Variants in PGM5 observed in about 807,000 individuals in gnomAD.
The protein encoded by PGM5 is phosphoglucomutase-like protein 5.
A neutral mutation model predicts 59.2 loss-of-function variants in PGM5; 23 were observed. The observed-to-expected ratio is 0.39, with a 90% CI of 0.28 to 0.55. PGM5 has a LOEUF of 0.55. Among genes scored for constraint, PGM5 ranks in the 20% least tolerant of loss-of-function variants. The pLI, the probability that PGM5 is intolerant of heterozygous loss-of-function variation, is 0.66. For synonymous variants in PGM5, 214 were observed against 286.0 expected (o/e 0.75, Z 2.54); for missense variants, 574 against 748.3 (o/e 0.77, Z 2.72).
At chr9:68,454,931 A>G (rs929982096) in intron 6 of PGM5, among the ~76,000 whole-genome samples, 8 of 152,222 alleles carry the variant, frequency 5.3e-5, no homozygotes, top group African/African-American at 1.4e-4. Flanking sequence ...TTAGAGCAGA[A>G]TTAGTATGGC....
chr9:68,372,479 T>C (rs389140), intron 1 of PGM5, among the ~76,000 whole-genome samples: 6,235 of 151,928 alleles, frequency 0.041, 196 homozygotes, highest in East Asian at 0.12. Flanking sequence ...ATTTGGGGAA[T>C]GGTACCATAA....
intron 1 of PGM5, among the ~76,000 whole-genome samples, chr9:68,359,420 A>G (rs1391377790): frequency 6.6e-6 from 1 of 152,162 alleles, no homozygotes; most frequent in Non-Finnish European, 1.5e-5. Context: ...GGAATGGTGG[A>G]CATGTTTCAG....
At chr9:68,367,907 T>C (rs1834710104) in intron 1 of PGM5, among the ~76,000 whole-genome samples, 1 of 151,414 alleles carries the variant, frequency 6.6e-6, no homozygotes, top group East Asian at 1.9e-4. Context: ...TTGTTCTACC[T>C]ATAAATGTAT....
chr9:68,520,030 C>T (rs975733784), intron 10 of PGM5, among the ~76,000 whole-genome samples: 1 of 148,862 alleles, frequency 6.7e-6, no homozygotes, highest in Admixed American at 6.8e-5. Flanking sequence ...ATTGATGATG[C>T]AGTCAGCCAT....
At chr9:68,500,125 G>T (rs1587219117) in intron 10 of PGM5, among the ~76,000 whole-genome samples, 1 of 151,900 alleles carries the variant, frequency 6.6e-6, no homozygotes, top group African/African-American at 2.4e-5. Context: ...TTTTTCAGAT[G>T]AAAACATTGG....
chr9:68,479,021 C>T (rs1274131719), intron 7 of PGM5, among the ~76,000 whole-genome samples: 1 of 152,156 alleles, frequency 6.6e-6, no homozygotes, highest in Non-Finnish European at 1.5e-5. Flanking sequence ...TGCCTGTCTC[C>T]ACCTAACTCC....
chr9:68,505,921 C>G (rs1824646678), intron 10 of PGM5, among the ~76,000 whole-genome samples: 1 of 152,128 alleles, frequency 6.6e-6, no homozygotes, highest in Non-Finnish European at 1.5e-5. Flanking sequence ...CAGCCCTCCA[C>G]CTGAAACTAT....
chr9:68,506,488 T>G (rs1355874875), intron 10 of PGM5, among the ~76,000 whole-genome samples: 1 of 152,238 alleles, frequency 6.6e-6, no homozygotes, highest in Non-Finnish European at 1.5e-5. Context: ...TTAATTTGTT[T>G]AAGGTTTTTC....
At position 68,481,240 on chromosome 9, in the gene PGM5, G is replaced by C. The variant is rs1196556499; in HGVS notation, c.1295+1687G>C. On this transcript the variant is annotated intron_variant, in intron 8 of 10. Coordinates refer to ENST00000396396, the MANE Select transcript of PGM5 (RefSeq NM_021965.4). ...TGACTGTACTCGTTAAAATCAAAGA[G>C]ATTACAACCTTCTGGGAGATGTAAA... Among the ~76,000 whole-genome samples the C allele has an allele frequency of 9.2e-5, 14 of 152,296 alleles. No homozygotes were observed. The East Asian group carries it at 2.7e-3, about 29-fold the overall frequency.
chr9:68,455,683 C>T (rs916029930), intron 6 of PGM5, among the ~76,000 whole-genome samples: 5 of 152,024 alleles, frequency 3.3e-5, no homozygotes, highest in Non-Finnish European at 7.4e-5. Context: ...AGTTCCTCCA[C>T]AGCCCTGGTG....
chr9:68,430,890 A>C (rs1823332733), intron 6 of PGM5, among the ~76,000 whole-genome samples: 1 of 152,240 alleles, frequency 6.6e-6, no homozygotes, highest in Non-Finnish European at 1.5e-5. Flanking sequence ...TAGAGTATTC[A>C]TCATAACATG....
At chr9:68,445,979 T>G (rs1234037360) in intron 6 of PGM5, among the ~76,000 whole-genome samples, 1 of 152,228 alleles carries the variant, frequency 6.6e-6, no homozygotes, top group Non-Finnish European at 1.5e-5. Context: ...GGAATATTTT[T>G]TATGTGTATA....
At chr9:68,505,723 G>T (rs1360681784) in intron 10 of PGM5, among the ~76,000 whole-genome samples, 14 of 152,184 alleles carry the variant, frequency 9.2e-5, no homozygotes, top group African/African-American at 3.4e-4. Flanking sequence ...GTGTTCACCA[G>T]CCTGGAAGCT....
intron 7 of PGM5, among the ~76,000 whole-genome samples, chr9:68,473,727 T>C (rs1487962494): frequency 6.6e-6 from 1 of 152,174 alleles, no homozygotes; most frequent in Non-Finnish European, 1.5e-5. Flanking sequence ...TGTCCAGGAC[T>C]AAGAAGTTTC....
chr9:68,414,644 G>A (rs527994218), intron 6 of PGM5, among the ~76,000 whole-genome samples: 1 of 151,902 alleles, frequency 6.6e-6, no homozygotes, highest in African/African-American at 2.4e-5. Context: ...TCTCTGCTTT[G>A]GAGAATCTCA....
chr9:68,416,981 T>C (rs567763715), intron 6 of PGM5, among the ~76,000 whole-genome samples: 151 of 152,330 alleles, frequency 9.9e-4, no homozygotes, highest in Middle Eastern at 3.4e-3. Context: ...TGACAGATTT[T>C]TTTTCCTAAC....
chr9:68,505,957 C>T (rs1215801863), intron 10 of PGM5, among the ~76,000 whole-genome samples: 3 of 152,170 alleles, frequency 2.0e-5, no homozygotes, highest in Non-Finnish European at 4.4e-5. Context: ...GAGTCACCCA[C>T]TAGCATAAAG....
At chr9:68,399,306 T>G (rs1425913897) in intron 6 of PGM5, 2 of 151,944 alleles carry the variant, frequency 1.3e-5, no homozygotes, top group East Asian at 3.9e-4. Context: ...TCAACACGTG[T>G]ATTCAGAAGC....
intron 6 of PGM5, among the ~76,000 whole-genome samples, chr9:68,448,856 A>G (rs185073839): frequency 1.2e-4 from 18 of 152,324 alleles, no homozygotes; most frequent in Admixed American, 3.3e-4. Flanking sequence ...ATGGGACAGC[A>G]GATTGTGGGC....
Sources: gnomAD v4.1 joint callset for allele counts (sites outside exome capture counted in the v4.1 genomes callset) on GRCh38, gnomAD v4.1.1 for gene constraint, MANE v1.5 for transcripts, NCBI Gene and HGNC (gene_info 2026-07-23, HGNC 2026-07-21) for gene names.